Variants in OTOF observed in about 807,000 individuals in gnomAD.
The protein encoded by OTOF is otoferlin.
OTOF carries 218 observed loss-of-function variants against 236.8 expected under a neutral mutation model. That is an observed-to-expected ratio of 0.92 (90% CI 0.82 to 1.03). The LOEUF is 1.03. Ranked by LOEUF, OTOF falls within the 50% of genes least tolerant of loss-of-function variation. The pLI is 0.00. For missense variants in OTOF, 2,590 were observed against 2,694.4 expected, an observed-to-expected ratio of 0.96 and a Z score of 0.86; for synonymous variants, 1,041 against 1,072.5, an observed-to-expected ratio of 0.97 and a Z score of 0.57.
rs397515581 is a variant in OTOF at position 26,483,617 on chromosome 2, CG to C, written c.1236del (p.Glu413AsnfsTer9). The stretch of plus-strand genomic sequence containing the variant: ...ACATAGAACCGGGCCCACTGGCGTT[CG>C]GGGGGCACCCCCTCGGGGAGCAGCA... ...GNLLLPEGVP[P>X]ERQWARFYVK... On this transcript the variant is annotated frameshift_variant, in exon 13 of 47. Coordinates refer to ENST00000272371, the MANE Select transcript of OTOF (RefSeq NM_194248.3). LOFTEE classifies it high-confidence loss of function. 3.1e-6 allele frequency: 5 copies of C among 1,612,886 alleles called. No individual in the cohort carries two copies. The highest frequency in any genetic ancestry group is 3.4e-6 in the Non-Finnish European group (4 of 1,179,938).
chr2:26,467,772 G>A (rs1664806405), intron 33 of OTOF, among the ~76,000 whole-genome samples: 1 of 152,178 alleles, frequency 6.6e-6, no homozygotes, highest in Non-Finnish European at 1.5e-5. Flanking sequence ...GTGGAGGCCT[G>A]TTGCTGCGCA....
chr2:26,473,518 A>C lies in OTOF; in HGVS notation c.3458T>G (p.Val1153Gly). The C allele has an allele frequency of 6.2e-7, 1 of 1,612,464 alleles. No homozygotes were observed. The highest frequency in any genetic ancestry group is 2.2e-5 in the East Asian group (1 of 44,868). The change falls in exon 28 of 47, where the codon GTG becomes GGG. Residue 1153 changes from valine to glycine, a missense_variant. Val to Gly is a moderately radical substitution (Grantham distance 109, BLOSUM62 -3). Coordinates refer to ENST00000272371, the MANE Select transcript of OTOF (RefSeq NM_194248.3). This position sits in a 1 kb window ranked among gnomAD's most constrained non-coding sequence, Gnocchi z 7.2. ...RDLKRVNLAQ[V>G]DRPRVDIECA... ...CTCGATGTCCACCCGTGGCCGGTCC[A>C]CCTGGGCCAGGTTCACCCGCTTTAG...
chr2:26,552,305 G>T (rs1310541633), intron 1 of OTOF, among the ~76,000 whole-genome samples: 2 of 152,128 alleles, frequency 1.3e-5, no homozygotes, highest in Middle Eastern at 3.2e-3. Context: ...TGGGAGCATC[G>T]CTTGAACCCA....
rs142720632 is a variant in OTOF, at chr2:26,460,132, G to A, written c.5887C>T (p.Arg1963Cys). The part of the protein sequence containing the change: ...SARYFLWHTY[R>C]WLLLKLLLLL... ...AGCAACAGTTTGAGGAGCAGCCAGC[G>A]ATACGTGTGCCACAAGAAGTAGCGA... The change falls in exon 46 of 47, where the codon CGC becomes TGC. Residue 1963 changes from arginine (R) to cysteine (C), a missense_variant. By Grantham distance (180) the Arg-to-Cys change is radical (BLOSUM62 -3). Coordinates refer to ENST00000272371, the MANE Select transcript of OTOF (RefSeq NM_194248.3). This position sits in a 1 kb window ranked among gnomAD's most constrained non-coding sequence, Gnocchi z 5.3. 1.7e-5 allele frequency: 27 copies of A among 1,599,110 alleles called. No individual in the cohort carries two copies. Among genetic ancestry groups the A allele is most frequent in the Admixed American group, 3.5e-5 (2 of 57,752 alleles).
At chr2:26,540,457 T>A (rs950076566) in intron 1 of OTOF, among the ~76,000 whole-genome samples, 1 of 152,176 alleles carries the variant, frequency 6.6e-6, no homozygotes, top group Non-Finnish European at 1.5e-5. Context: ...CCTCTGAACC[T>A]TCCCTGTGAT....
chr2:26,530,421 C>A (rs973802516), intron 2 of OTOF, among the ~76,000 whole-genome samples: 1 of 152,082 alleles, frequency 6.6e-6, no homozygotes, highest in Non-Finnish European at 1.5e-5. Flanking sequence ...GGCTCAGGTG[C>A]CCTTTCAGAA....
intron 1 of OTOF, among the ~76,000 whole-genome samples, chr2:26,553,738 C>T (rs1428242315): frequency 2.0e-5 from 3 of 152,172 alleles, no homozygotes; most frequent in African/African-American, 7.2e-5. Flanking sequence ...CTTCTGAGCT[C>T]CGGGGGCCAA....
Position 26,516,570 on chromosome 2 carries a change from CTGA to C in OTOF, c.354_356del (p.Tyr118_Gln119delinsTer), listed in dbSNP as rs1421007522. On this transcript the variant is annotated stop_gained and inframe_deletion, in exon 5 of 47. Transcript: ENST00000272371. LOFTEE classifies it high-confidence loss of function. ...AGGAGCCCACTGTGCCGTCAGTGGCCTGATACCGGACCTCCACGCACAGGCTGG... is the reference window on the plus strand; with the variant it reads ...AGGAGCCCACTGTGCCGTCAGTGGCCTACCGGACCTCCACGCACAGGCTGG... 1 of 1,609,286 alleles carries C rather than the reference CTGA, an allele frequency of 6.2e-7. No homozygotes were observed. Among genetic ancestry groups the C allele is most frequent in the Non-Finnish European group, 8.5e-7 (1 of 1,179,986 alleles).
chr2:26,509,718 G>C (rs1666336343), intron 5 of OTOF, among the ~76,000 whole-genome samples: 1 of 152,230 alleles, frequency 6.6e-6, no homozygotes, highest in Non-Finnish European at 1.5e-5. Context: ...TGGGGCTCAG[G>C]TTGCTTATCT....
intron 5 of OTOF, among the ~76,000 whole-genome samples, chr2:26,508,465 G>T (rs1220562527): frequency 6.6e-6 from 1 of 152,198 alleles, no homozygotes; most frequent in African/African-American, 2.4e-5. Flanking sequence ...TCTCCAAACT[G>T]GCCCGTTTGC....
chr2:26,459,699 A>G (rs1444941165), intron 46 of OTOF, among the ~76,000 whole-genome samples: 1 of 152,100 alleles, frequency 6.6e-6, no homozygotes, highest in African/African-American at 2.4e-5. Context: ...GGTAACCTTG[A>G]GCAAGCTACT....
chr2:26,477,034 T>C lies in OTOF; in HGVS notation c.2533A>G (p.Ser845Gly), dbSNP rs1218299902. The change falls in exon 22 of 47, where the codon AGC becomes GGC. Residue 845 changes from serine (S) to glycine (G), a missense_variant. Ser to Gly is a moderately conservative substitution (Grantham distance 56). This residue lies in a region of OTOF where 1,379 missense variants were observed against 1,341.6 expected (regional missense o/e 1.03). Coordinates refer to ENST00000272371, the MANE Select transcript of OTOF (RefSeq NM_194248.3). This position sits in a 1 kb window ranked among gnomAD's most constrained non-coding sequence, Gnocchi z 4.7. The part of the protein sequence containing the change: ...LRFLADEPQH[S>G]IPDIFIWMMS... Reference sequence around the variant, plus strand: ...ATCCAGATGAAGATGTCGGGAATGCTGTGCTGGGGCTGGGGGTTGGGGGGT... The same window carrying C: ...ATCCAGATGAAGATGTCGGGAATGCCGTGCTGGGGCTGGGGGTTGGGGGGT... 2 of 1,578,282 alleles carry C rather than the reference T, an allele frequency of 1.3e-6. No individual in the cohort carries two copies. Among genetic ancestry groups the C allele is most frequent in the Non-Finnish European group, 1.7e-6 (2 of 1,159,626 alleles).
At chr2:26,482,636 T>A in intron 13 of OTOF, 44 bp from the exon 14 acceptor site, 3 of 1,552,674 alleles carry the variant, frequency 1.9e-6, no homozygotes, top group East Asian at 2.3e-5. Context: ...CATGTGTGTG[T>A]GAGTGGGTGC....
chr2:26,550,463 G>C (rs574604939), intron 1 of OTOF, among the ~76,000 whole-genome samples: 1 of 152,304 alleles, frequency 6.6e-6, no homozygotes, highest in Non-Finnish European at 1.5e-5. Context: ...GCTCCATGCT[G>C]CTGCTGGGAA....
At position 26,473,402 on chromosome 2, in the gene OTOF, T is replaced by C; in HGVS notation, c.3570+4A>G. 1 of 1,613,372 alleles carries C rather than the reference T, an allele frequency of 6.2e-7. No individual in the cohort carries two copies. Among genetic ancestry groups the C allele is most frequent in the Non-Finnish European group, 8.5e-7 (1 of 1,179,990 alleles). The stretch of plus-strand genomic sequence containing the variant: ...GGATGTCCTCCGCCAGGGCCTGCAC[T>C]CACCACTTCAAACCACTTGACGAGG... On this transcript the variant is annotated splice_donor_region_variant and intron_variant, in intron 28 of 46. Coordinates refer to ENST00000272371, the MANE Select transcript of OTOF (RefSeq NM_194248.3). This position sits in a 1 kb window ranked among gnomAD's most constrained non-coding sequence, Gnocchi z 7.2.
intron 1 of OTOF, among the ~76,000 whole-genome samples, chr2:26,538,878 A>C (rs1667142589): frequency 6.7e-6 from 1 of 149,424 alleles, no homozygotes; most frequent in South Asian, 2.1e-4. Context: ...CAGTGGCACG[A>C]TCTCGGCTCA....
At chr2:26,552,734 G>T (rs560809087) in intron 1 of OTOF, among the ~76,000 whole-genome samples, 8 of 152,172 alleles carry the variant, frequency 5.3e-5, no homozygotes, top group African/African-American at 1.9e-4. Flanking sequence ...GTGTGGTGAG[G>T]GGGACTGAGT....
Position 26,466,767 on chromosome 2 carries a change from C to G in OTOF, c.4447G>C (p.Gly1483Arg), listed in dbSNP as rs1259277181. The change falls in exon 36 of 47, where the codon GGC becomes CGC. Residue 1483 changes from glycine to arginine, a missense_variant. This residue lies in a region of OTOF where 1,211 missense variants were observed against 1,352.8 expected (regional missense o/e 0.90). Coordinates refer to ENST00000272371, the MANE Select transcript of OTOF (RefSeq NM_194248.3). ...TTGATGGGGTCATTGCTCGGGATGC[C>G]CTGGAACATGCCGTAGGTGGAGTCG... The part of the protein sequence containing the change: ...GYDSTYGMFQ[G>R]IPSNDPINVL... 1.9e-6 allele frequency: 3 copies of G among 1,614,182 alleles called. No individual in the cohort carries two copies. Among genetic ancestry groups the G allele is most frequent in the Non-Finnish European group, 2.5e-6 (3 of 1,180,038 alleles).
At chr2:26,557,255 G>A (rs1667614861) in intron 1 of OTOF, among the ~76,000 whole-genome samples, 1 of 152,136 alleles carries the variant, frequency 6.6e-6, no homozygotes, top group South Asian at 2.1e-4. Context: ...GGGCCCCAAG[G>A]CTCACTTTGC....
Sources: allele counts gnomAD v4.1 joint callset (sites outside exome capture counted in the v4.1 genomes callset), GRCh38; gene constraint gnomAD v4.1.1; regional missense constraint gnomAD v4.1.1; non-coding constraint Gnocchi (gnomAD v3.1); transcripts MANE v1.5; gene names NCBI Gene and HGNC (gene_info 2026-07-23, HGNC 2026-07-21).